Variants in PLA2G12B observed in about 807,000 individuals in gnomAD.
PLA2G12B encodes the protein phospholipase A2 group XIIB, also known as group XIIB secretory phospholipase A2-like protein.
In PLA2G12B, 19 loss-of-function variants were observed where a neutral mutation model predicts 22.3. That is an observed-to-expected ratio of 0.85 (90% CI 0.60 to 1.25). The LOEUF (loss-of-function observed/expected upper bound fraction) is 1.25, where lower values mean the gene tolerates loss of function less well. PLA2G12B is among the 50% of genes most tolerant of loss of function. The pLI is 0.00. For missense variants in PLA2G12B, 191 were observed against 246.6 expected (o/e 0.77, Z 1.51); for synonymous variants, 81 against 94.9 (o/e 0.85, Z 0.85).
At position 72,935,735 on chromosome 10, in the gene PLA2G12B, G is replaced by A; in HGVS notation, c.470C>T (p.Ala157Val). The A allele has an allele frequency of 1.2e-6, 2 of 1,613,232 alleles. No homozygotes were observed. The highest frequency in any genetic ancestry group is 1.7e-6 in the Non-Finnish European group (2 of 1,179,666). Residue 157 changes from alanine (A) to valine (V), a missense_variant, in exon 4 of 4, where the codon GCC (alanine) becomes GTC (valine). By Grantham distance (64) the Ala-to-Val change is moderately conservative. Transcript: ENST00000373032. ...CACAGTGTCAACCAGGGAATCACAG[G>A]CTGCTTGAAAAAGATGAAGAGGGAC... Reference protein sequence around the residue: ...SLGFVSKVEAACDSLVDTVFN... With the variant: ...SLGFVSKVEAVCDSLVDTVFN...
intron 1 of PLA2G12B, among the ~76,000 whole-genome samples, chr10:72,947,738 CAT>C (rs2067722878): frequency 6.6e-6 from 1 of 152,294 alleles, no homozygotes; most frequent in African/African-American, 2.4e-5. Flanking sequence ...ACAAAAATAA[CAT>C]AGACTGGATG....
At chr10:72,944,086 CTTCT>C (rs1242765697) in intron 1 of PLA2G12B, among the ~76,000 whole-genome samples, 5 of 146,178 alleles carry the variant, frequency 3.4e-5, no homozygotes, top group Non-Finnish European at 7.5e-5. Flanking sequence ...TTCTGCTTTT[CTTCT>C]TTCTTTCTTT....
chr10:72,953,576 T>C lies in PLA2G12B; in HGVS notation c.211+899A>G, dbSNP rs528278355. Among the ~76,000 whole-genome samples the C allele has an allele frequency of 1.3e-5, 2 of 152,210 alleles. 1 individual carries two copies. The highest frequency in any genetic ancestry group is 4.8e-5 in the African/African-American group (2 of 41,456). On this transcript the variant is annotated intron_variant, in intron 1 of 3. Coordinates refer to ENST00000373032, the MANE Select transcript of PLA2G12B (RefSeq NM_032562.5). ...GCTACCTGAGACCTGAGACTGTGCA[T>C]GCTTTGGAAAACGTTTTCATGCGCA...
intron 1 of PLA2G12B, among the ~76,000 whole-genome samples, chr10:72,948,020 G>A (rs879814791): frequency 6.6e-6 from 1 of 152,002 alleles, no homozygotes; most frequent in Non-Finnish European, 1.5e-5. Flanking sequence ...TATTACAGGC[G>A]CCTGCCACCA....
rs1309087274 is a variant in PLA2G12B, at chr10:72,941,279, TAA to T, written c.354_355del (p.Cys118Ter). 6.2e-7 allele frequency: 1 copy of T among 1,613,688 alleles called. No individual in the cohort carries two copies. Among genetic ancestry groups the T allele is most frequent in the African/African-American group, 1.3e-5 (1 of 74,900 alleles). On this transcript the variant is annotated stop_gained and frameshift_variant, in exon 3 of 4. Coordinates refer to ENST00000373032, the MANE Select transcript of PLA2G12B (RefSeq NM_032562.5). LOFTEE classifies it high-confidence loss of function. ...ATATTTGTTGGCACCGCAAGTGTCA[TAA>T]CAGACATCCAGCTGGTTGCAGCACT...
intron 1 of PLA2G12B, among the ~76,000 whole-genome samples, chr10:72,946,685 T>C (rs1846447963): frequency 6.6e-6 from 1 of 152,250 alleles, no homozygotes; most frequent in African/African-American, 2.4e-5. Context: ...ATTTCTATAA[T>C]GATTATGTTG....
intron 3 of PLA2G12B, among the ~76,000 whole-genome samples, chr10:72,938,814 G>A (rs1052746466): frequency 2.6e-5 from 4 of 152,136 alleles, no homozygotes; most frequent in Admixed American, 2.6e-4. Flanking sequence ...AAATTGACAA[G>A]CAGTTCCTAA....
intron 1 of PLA2G12B, among the ~76,000 whole-genome samples, chr10:72,948,609 G>A (rs1435944295): frequency 3.3e-5 from 5 of 152,224 alleles, no homozygotes; most frequent in African/African-American, 4.8e-5. Flanking sequence ...GTGAGAGGCC[G>A]ACAACTTGAT....
At chr10:72,941,112 G>A (rs1366722650) in intron 3 of PLA2G12B, 57 bp downstream of exon 3, 7 of 1,522,080 alleles carry the variant, frequency 4.6e-6, no homozygotes, top group East Asian at 2.3e-5. Flanking sequence ...GCTATATCTC[G>A]GTGTGAAAAC....
At chr10:72,943,551 G>A (rs1846394858) in intron 1 of PLA2G12B, among the ~76,000 whole-genome samples, 1 of 152,174 alleles carries the variant, frequency 6.6e-6, no homozygotes, top group Non-Finnish European at 1.5e-5. Context: ...TGATATCTTA[G>A]GCATTTCTTT....
At chr10:72,943,922 A>G (rs1449999359) in intron 1 of PLA2G12B, among the ~76,000 whole-genome samples, 1 of 152,164 alleles carries the variant, frequency 6.6e-6, no homozygotes, top group Admixed American at 6.5e-5. Context: ...TGCTAAGAAT[A>G]ATTAATCCTT....
chr10:72,936,688 G>T (rs998978183), intron 3 of PLA2G12B, among the ~76,000 whole-genome samples: 2 of 152,126 alleles, frequency 1.3e-5, no homozygotes, highest in Non-Finnish European at 1.5e-5. Flanking sequence ...TGTGGTGATG[G>T]TTGTACAACT....
At chr10:72,947,121 T>C (rs1236744266) in intron 1 of PLA2G12B, among the ~76,000 whole-genome samples, 1 of 152,156 alleles carries the variant, frequency 6.6e-6, no homozygotes, top group Non-Finnish European at 1.5e-5. Flanking sequence ...GATGGGGTCT[T>C]GCTATGTTGC....
chr10:72,951,588 G>C (rs935301315), intron 1 of PLA2G12B, among the ~76,000 whole-genome samples: 4 of 150,682 alleles, frequency 2.7e-5, no homozygotes, highest in Non-Finnish European at 5.9e-5. Flanking sequence ...CTCCCGAGTA[G>C]CTGGAACTAC....
In PLA2G12B at chr10:72,941,331, C is replaced by T. The variant is rs771822239; in HGVS notation, c.304G>A (p.Asp102Asn). Residue 102 changes from aspartate to asparagine, a missense_variant, in exon 3 of 4, where the codon GAC (aspartate) becomes AAC (asparagine). Coordinates refer to ENST00000373032, the MANE Select transcript of PLA2G12B (RefSeq NM_032562.5). ...FLGLKVPESMDLGIPAMTKCC... is the reference protein window; with the variant it reads ...FLGLKVPESMNLGIPAMTKCC... Reference sequence around the variant, plus strand: ...TTTGTCATTGCTGGAATGCCCAAGTCCATCTGGGGAAAAGTGAAGGAAGGG... The same window carrying T: ...TTTGTCATTGCTGGAATGCCCAAGTTCATCTGGGGAAAAGTGAAGGAAGGG... 2 of 1,612,738 alleles carry T rather than the reference C, an allele frequency of 1.2e-6. No individual in the cohort carries two copies. Among genetic ancestry groups the T allele is most frequent in the Non-Finnish European group, 1.7e-6 (2 of 1,178,936 alleles).
intron 3 of PLA2G12B, among the ~76,000 whole-genome samples, chr10:72,938,958 A>G (rs1846318897): frequency 6.6e-6 from 1 of 152,256 alleles, no homozygotes; most frequent in Non-Finnish European, 1.5e-5. Flanking sequence ...CCTGACATAG[A>G]TCAGTGGAAT....
chr10:72,947,112 A>ATGG (rs1435295698), intron 1 of PLA2G12B, among the ~76,000 whole-genome samples: 3 of 152,026 alleles, frequency 2.0e-5, no homozygotes, highest in Non-Finnish European at 2.9e-5. Flanking sequence ...TTTGATAGAG[A>ATGG]TGGGGTCTTG....
Position 72,954,763 on chromosome 10 carries a change from C to A in PLA2G12B, c.-78G>T. ...AGAATTCCAGGGACAAACCCCCTAC[C>A]CAGATGTCAGGCAGGACTGGGAAAG... On this transcript the variant is annotated 5_prime_UTR_variant, in exon 1 of 4. Transcript: ENST00000373032. The A allele has an allele frequency of 2.7e-6, 4 of 1,465,798 alleles. No homozygotes were observed. Among genetic ancestry groups the A allele is most frequent in the Non-Finnish European group, 3.8e-6 (4 of 1,065,094 alleles). 90.8% of individuals were successfully genotyped at this position (1,465,798 alleles called of 1,614,324 possible).
chr10:72,940,298 T>C (rs564022890), intron 3 of PLA2G12B, among the ~76,000 whole-genome samples: 8 of 152,300 alleles, frequency 5.3e-5, no homozygotes, highest in African/African-American at 1.9e-4. Context: ...TGCTAATTCA[T>C]ACCTGGATAC....
Sources: allele counts gnomAD v4.1 joint callset (sites outside exome capture counted in the v4.1 genomes callset), GRCh38; gene constraint gnomAD v4.1.1; transcripts MANE v1.5; gene names NCBI Gene and HGNC (gene_info 2026-07-23, HGNC 2026-07-21).